The following GRAP2 variants were observed in gnomAD, a reference collection of about 807,000 sequenced individuals.
GRAP2 encodes the protein GRB2-related adapter protein 2.
GRAP2 carries 31 observed loss-of-function variants against 43.5 expected under a neutral mutation model. The ratio of observed to expected loss-of-function variants is 0.71; its 90% CI spans 0.54 to 0.96. GRAP2 has a LOEUF of 0.96. Among genes scored for constraint, GRAP2 ranks in the 40% least tolerant of loss-of-function variants. GRAP2 has a pLI of 0.00. For synonymous variants in GRAP2, 156 were observed against 164.8 expected (o/e 0.95, Z 0.41); for missense variants, 371 against 424.4 (o/e 0.87, Z 1.11).
chr22:39,960,078 G>A lies in GRAP2; in HGVS notation c.194G>A (p.Arg65Gln), dbSNP rs2067101268. 2 of 1,612,944 alleles carry A rather than the reference G, an allele frequency of 1.2e-6. No individual in the cohort carries two copies. Among genetic ancestry groups the A allele is most frequent in the East Asian group, 2.2e-5 (1 of 44,854 alleles). ...AGATGGTTTCACGAAGGCCTCTCTC[G>A]ACACCAGGCAGAGAACTTACTCATG... ...FPKWFHEGLS[R>Q]HQAENLLMGK... Residue 65 changes from arginine (R) to glutamine (Q), a missense_variant, in exon 4 of 8, where the codon CGA becomes CAA. Coordinates refer to ENST00000344138, the MANE Select transcript of GRAP2 (RefSeq NM_004810.4).
chr22:39,966,068 A>G lies in GRAP2; in HGVS notation c.369A>G (p.Pro123=). The change falls in exon 5 of 8, where the codon CCA becomes CCG. Residue 123 remains proline (P), a synonymous_variant. Coordinates refer to ENST00000344138, the MANE Select transcript of GRAP2 (RefSeq NM_004810.4). ...GNYFLWTEKF[P]SLNKLVDYYR... Reference sequence around the variant, plus strand: ...ACTTTCTGTGGACTGAGAAGTTTCCATCCCTAAATAAGCTGGTAGACTACT... The same window carrying G: ...ACTTTCTGTGGACTGAGAAGTTTCCGTCCCTAAATAAGCTGGTAGACTACT... 6.2e-7 allele frequency: 1 copy of G among 1,613,666 alleles called. No individual in the cohort carries two copies. Among genetic ancestry groups the G allele is most frequent in the Non-Finnish European group, 8.5e-7 (1 of 1,179,488 alleles).
chr22:39,895,181 G>A, the GRAP2 span, among the ~76,000 whole-genome samples: 2 of 152,190 alleles, frequency 1.3e-5, no homozygotes, highest in African/African-American at 4.8e-5. Flanking sequence ...ATTGAAAAAT[G>A]TAATCGAACC....
intron 1 of GRAP2, among the ~76,000 whole-genome samples, chr22:39,907,211 G>C (rs529196289): frequency 3.2e-4 from 49 of 151,932 alleles, no homozygotes; most frequent in Middle Eastern, 6.8e-3. Context: ...CTTACTGGCA[G>C]TGGTGGGGTG....
chr22:39,970,758 A>T, intron 7 of GRAP2, 147 bp from the exon 8 acceptor site: 1 of 650,924 alleles, frequency 1.5e-6, no homozygotes, highest in Middle Eastern at 4.2e-4. Flanking sequence ...CCATCTCTAC[A>T]AAAAAAGTTT....
chr22:39,958,965 C>T (rs1384522953), intron 3 of GRAP2, among the ~76,000 whole-genome samples: 2 of 152,214 alleles, frequency 1.3e-5, no homozygotes, highest in East Asian at 3.8e-4. Context: ...CTTCCTGCTA[C>T]CTATGTCTCA....
chr22:39,921,642 C>G (rs1230018596), intron 1 of GRAP2, among the ~76,000 whole-genome samples: 7 of 152,180 alleles, frequency 4.6e-5, no homozygotes, highest in Non-Finnish European at 8.8e-5. Context: ...ATCTAGATTA[C>G]TTAATGGTTC....
At chr22:39,907,074 A>G (rs1287981991) in intron 1 of GRAP2, among the ~76,000 whole-genome samples, 5 of 152,238 alleles carry the variant, frequency 3.3e-5, no homozygotes, top group Admixed American at 3.3e-4. Flanking sequence ...AGATCATTAA[A>G]TCGGTAAGAA....
chr22:39,916,751 G>C (rs2066606160), intron 1 of GRAP2, among the ~76,000 whole-genome samples: 1 of 152,188 alleles, frequency 6.6e-6, no homozygotes, highest in Non-Finnish European at 1.5e-5. Context: ...CGGGGCTCTT[G>C]GAGAAAGAAA....
At chr22:39,933,963 C>T (rs939210510) in intron 1 of GRAP2, among the ~76,000 whole-genome samples, 1 of 152,094 alleles carries the variant, frequency 6.6e-6, no homozygotes, top group African/African-American at 2.4e-5. Flanking sequence ...GCTAAGGTGA[C>T]AGCTGCCTCA....
At chr22:39,918,226 A>G (rs2066619511) in intron 1 of GRAP2, among the ~76,000 whole-genome samples, 1 of 152,156 alleles carries the variant, frequency 6.6e-6, no homozygotes, top group South Asian at 2.1e-4. Context: ...ATTGAAAACC[A>G]TTTCATGCCT....
intron 7 of GRAP2, among the ~76,000 whole-genome samples, 191 bp downstream of exon 7, chr22:39,969,724 G>T (rs1192450997): frequency 6.6e-6 from 1 of 152,190 alleles, no homozygotes; most frequent in Non-Finnish European, 1.5e-5. Flanking sequence ...GACCAGCCTG[G>T]CCAACATGGT....
rs946169615 is a variant in GRAP2 at position 39,949,215 on chromosome 22, G to T, written c.78+2031G>T. On this transcript the variant is annotated intron_variant, in intron 2 of 7. Coordinates refer to ENST00000344138, the MANE Select transcript of GRAP2 (RefSeq NM_004810.4). The stretch of plus-strand genomic sequence containing the variant: ...TTCCATGTTCTAATTATTATCCTAG[G>T]TCAGTCACAAGCTAGAAGCCCCAAT... 2.6e-5 allele frequency among the ~76,000 whole-genome samples: 4 copies of T among 152,004 alleles called. 1 individual carries two copies. The highest frequency in any genetic ancestry group is 9.7e-5 in the African/African-American group (4 of 41,438).
rs571643827 is a variant in GRAP2 at position 39,938,892 on chromosome 22, C to A, written c.-14-8201C>A. ...TGGTCTCCAAGACTTGCATCAGCAG[C>A]TCAGCCGCTGATGAATTATAATTCT... On this transcript the variant is annotated intron_variant, in intron 1 of 7. Coordinates refer to ENST00000344138, the MANE Select transcript of GRAP2 (RefSeq NM_004810.4). Among the ~76,000 whole-genome samples the A allele has an allele frequency of 4.6e-5, 7 of 152,304 alleles. No individual in the cohort carries two copies. In the South Asian group the frequency reaches 1.2e-3, roughly 27 times the overall value.
At chr22:39,970,764 A>G (rs1040925250) in intron 7 of GRAP2, 141 bp from the exon 8 acceptor site, 13 of 677,378 alleles carry the variant, frequency 1.9e-5, no homozygotes, top group East Asian at 3.1e-5. Flanking sequence ...CTACAAAAAA[A>G]GTTTTTTTAA....
chr22:39,928,804 A>T (rs1459888407), intron 1 of GRAP2, among the ~76,000 whole-genome samples: 2 of 152,188 alleles, frequency 1.3e-5, no homozygotes, highest in Non-Finnish European at 2.9e-5. Context: ...ATTCCTCATT[A>T]TAGATGCTGA....
rs190141739 is a variant in GRAP2, at chr22:39,963,721, C to G, written c.291-2269C>G. On this transcript the variant is annotated intron_variant, in intron 4 of 7. Coordinates refer to ENST00000344138, the MANE Select transcript of GRAP2 (RefSeq NM_004810.4). ...TTAACACAGGTCCCTAAATCCATCC[C>G]TAAGAAACCTCCATGGTCAGGCGCA... is the stretch of plus-strand genomic sequence containing the variant. Among the ~76,000 whole-genome samples the G allele has an allele frequency of 1.6e-3, 243 of 152,276 alleles. 2 individuals carry two copies. Among genetic ancestry groups the G allele is most frequent in the Middle Eastern group, 0.01 (3 of 294 alleles).
chr22:39,937,963 A>G (rs907743572), intron 1 of GRAP2, among the ~76,000 whole-genome samples: 1 of 152,234 alleles, frequency 6.6e-6, no homozygotes, highest in African/African-American at 2.4e-5. Context: ...ATGAGACTTC[A>G]TGTGATGCGT....
At chr22:39,909,985 A>G (rs753055198) in intron 1 of GRAP2, among the ~76,000 whole-genome samples, 2 of 152,200 alleles carry the variant, frequency 1.3e-5, no homozygotes, top group Non-Finnish European at 2.9e-5. Flanking sequence ...GCCACTGGAA[A>G]TTACCTCAAG....
intron 1 of GRAP2, among the ~76,000 whole-genome samples, chr22:39,912,943 A>C (rs2066577519): frequency 6.6e-6 from 1 of 152,100 alleles, no homozygotes; most frequent in African/African-American, 2.4e-5. Flanking sequence ...CTGTAATCCC[A>C]GCACTTTGGG....
Sources: allele counts gnomAD v4.1 joint callset (sites outside exome capture counted in the v4.1 genomes callset), GRCh38; gene constraint gnomAD v4.1.1; transcripts MANE v1.5; gene names NCBI Gene and HGNC (gene_info 2026-07-23, HGNC 2026-07-21).